Variants in SLC36A1 observed in about 807,000 individuals in gnomAD.
SLC36A1 encodes solute carrier family 36 member 1, also known as proton-coupled amino acid transporter 1.
SLC36A1 carries 30 observed loss-of-function variants against 47.5 expected under a neutral mutation model. That is an observed-to-expected ratio of 0.63 (90% CI 0.47 to 0.86). The LOEUF (loss-of-function observed/expected upper bound fraction) is 0.86. SLC36A1 is among the 40% of genes least tolerant of loss of function. The probability of loss-of-function intolerance (pLI) is 0.00; values close to 1 mark genes in which losing one functional copy is unlikely to be tolerated. For missense variants in SLC36A1, 517 were observed against 606.0 expected (o/e 0.85, Z 1.54); for synonymous variants, 255 against 249.7 (o/e 1.02, Z -0.20).
the SLC36A1 span, among the ~76,000 whole-genome samples, chr5:151,362,659 G>T: frequency 7.2e-5 from 11 of 152,264 alleles, no homozygotes; most frequent in African/African-American, 2.2e-4. Context: ...CCAAAGTGCT[G>T]GGATTATAGG....
intron 2 of SLC36A1, among the ~76,000 whole-genome samples, chr5:151,461,778 CT>C (rs1364105822): frequency 5.9e-5 from 9 of 152,154 alleles, no homozygotes; most frequent in African/African-American, 2.2e-4. Flanking sequence ...TTAATAATGT[CT>C]TTGATGAAAC....
rs1199738809 is a variant in SLC36A1, at chr5:151,467,916, C to G, written c.714C>G (p.Phe238Leu). The G allele has an allele frequency of 1.1e-5, 17 of 1,613,268 alleles. No homozygotes were observed. Among genetic ancestry groups the G allele is most frequent in the Non-Finnish European group, 1.4e-5 (17 of 1,179,670 alleles). ...TCAGCTTGGTCATGATCTACCAGTT[C>G]ATTGTTCAGGTACATGCCTAGGCCC... Reference protein sequence around the residue: ...MLVSLVMIYQFIVQRIPDPSH... With the variant: ...MLVSLVMIYQLIVQRIPDPSH... Residue 238 changes from phenylalanine (F) to leucine (L), a missense_variant, in exon 7 of 11, where the codon TTC (phenylalanine) becomes TTG (leucine). Transcript: ENST00000243389.
At chr5:151,453,990 T>G (rs904480026) in intron 1 of SLC36A1, among the ~76,000 whole-genome samples, 1 of 152,012 alleles carries the variant, frequency 6.6e-6, no homozygotes, top group Admixed American at 6.5e-5. Flanking sequence ...TGGCATATTT[T>G]GTAGATTGAA....
At chr5:151,500,452 C>G in the SLC36A1 span, among the ~76,000 whole-genome samples, 1 of 152,190 alleles carries the variant, frequency 6.6e-6, no homozygotes, top group East Asian at 1.9e-4. Context: ...ACTGCAAACT[C>G]CGTCTCCTGG....
chr5:151,374,639 A>G, the SLC36A1 span, among the ~76,000 whole-genome samples: 1 of 152,082 alleles, frequency 6.6e-6, no homozygotes, highest in African/African-American at 2.4e-5. Flanking sequence ...TTTTTGAGAA[A>G]TCTCCATACT....
chr5:151,479,414 T>C lies in SLC36A1; in HGVS notation c.1084T>C (p.Phe362Leu). The C allele has an allele frequency of 6.2e-7, 1 of 1,614,212 alleles. No homozygotes were observed. The change falls in exon 10 of 11, where the codon TTT becomes CTT. Residue 362 changes from phenylalanine (F) to leucine (L), a missense_variant. Transcript: ENST00000243389. ...YVPAEIIIPF[F>L]VSRAPEHCEL... ...CCCGGCTGAGATCATCATCCCCTTC[T>C]TTGTGTCCCGAGCGCCCGAGCACTG... is the stretch of plus-strand genomic sequence containing the variant.
rs35204299 is a variant in SLC36A1, at chr5:151,467,200, C to A, written c.421C>A (p.Arg141Ser). 55 of 1,607,676 alleles carry A rather than the reference C, an allele frequency of 3.4e-5. No homozygotes were observed. Among genetic ancestry groups the A allele is most frequent in the African/African-American group, 1.2e-4 (9 of 74,458 alleles). ...WLRNHAHWGR[R>S]VVDFFLIVTQ... is the part of the protein sequence containing the mutation. ...TATTCCTTCCTTCCCCACCTCCAGA[C>A]GTGTTGTGGACTTCTTCCTGATTGT... Residue 141 changes from arginine to serine, a missense_variant and splice_region_variant, in exon 6 of 11, where the codon CGT becomes AGT. Coordinates refer to ENST00000243389, the MANE Select transcript of SLC36A1 (RefSeq NM_078483.4).
At chr5:151,513,572 A>G in the SLC36A1 span, among the ~76,000 whole-genome samples, 1 of 151,956 alleles carries the variant, frequency 6.6e-6, no homozygotes, top group Non-Finnish European at 1.5e-5. Context: ...AGAAGGGAAC[A>G]ATAGACATCA....
chr5:151,455,152 C>T (rs1410418318), intron 1 of SLC36A1, among the ~76,000 whole-genome samples: 2 of 152,084 alleles, frequency 1.3e-5, no homozygotes, highest in Non-Finnish European at 2.9e-5. Flanking sequence ...GAGCAGATGT[C>T]CACTTACTGG....
the SLC36A1 span, among the ~76,000 whole-genome samples, chr5:151,367,097 C>G: frequency 6.6e-6 from 1 of 151,196 alleles, no homozygotes; most frequent in Non-Finnish European, 1.5e-5. Context: ...ACAAAGATCA[C>G]AGGGCAAAGG....
At chr5:151,484,459 G>A (rs1759250851) in intron 10 of SLC36A1, among the ~76,000 whole-genome samples, 2 of 152,328 alleles carry the variant, frequency 1.3e-5, no homozygotes, top group South Asian at 4.1e-4. Context: ...CCTCAGGCAG[G>A]ACGTGGTGCT....
At chr5:151,502,309 C>CAAA in the SLC36A1 span, among the ~76,000 whole-genome samples, 8 of 127,062 alleles carry the variant, frequency 6.3e-5, 1 homozygote, top group African/African-American at 2.6e-4. Context: ...GAGACTCTGT[C>CAAA]AAAAAAAAAA....
the SLC36A1 span, among the ~76,000 whole-genome samples, chr5:151,346,578 C>T: frequency 6.6e-6 from 1 of 152,190 alleles, no homozygotes; most frequent in Non-Finnish European, 1.5e-5. Flanking sequence ...CAAAAACTTT[C>T]TTCTTAAAGC....
At chr5:151,344,870 C>G in the SLC36A1 span, among the ~76,000 whole-genome samples, 1 of 152,004 alleles carries the variant, frequency 6.6e-6, no homozygotes, top group Non-Finnish European at 1.5e-5. Context: ...CAGGCAGAAA[C>G]AAAAAATCAT....
At chr5:151,406,565 A>C in the SLC36A1 span, 3 of 152,070 alleles carry the variant, frequency 2.0e-5, no homozygotes, top group Non-Finnish European at 4.4e-5. Context: ...GATTTCTTGA[A>C]AGAGAAACAC....
chr5:151,430,467 T>C, the SLC36A1 span, among the ~76,000 whole-genome samples: 1 of 151,730 alleles, frequency 6.6e-6, no homozygotes, highest in African/African-American at 2.4e-5. Flanking sequence ...GGATTACAGG[T>C]GCCCGCCACC....
the SLC36A1 span, among the ~76,000 whole-genome samples, chr5:151,386,267 T>C: frequency 6.6e-6 from 1 of 152,146 alleles, no homozygotes; most frequent in South Asian, 2.1e-4. Context: ...TGTCTATAAA[T>C]GGCAAGTGTG....
rs1030286781 is a variant in SLC36A1 at position 151,492,170 on chromosome 5, T to C, written c.*3916T>C. The C allele has an allele frequency of 6.6e-6, 1 of 152,128 alleles. No individual in the cohort carries two copies. Among genetic ancestry groups the C allele is most frequent in the African/African-American group, 2.4e-5 (1 of 41,420 alleles). 9.4% of individuals were successfully genotyped at this position (152,128 alleles called of 1,614,324 possible). A position where few individuals can be genotyped will look rare whatever the true frequency, so the allele number is the denominator to read the frequency against. ...GTAACTCTATTGTAAAACATGTCAATGGTGTGTGAAGAAAAATCAACCAAT... is the reference window on the plus strand; with the variant it reads ...GTAACTCTATTGTAAAACATGTCAACGGTGTGTGAAGAAAAATCAACCAAT... On this transcript the variant is annotated 3_prime_UTR_variant, in exon 11 of 11. Coordinates refer to ENST00000243389, the MANE Select transcript of SLC36A1 (RefSeq NM_078483.4).
chr5:151,371,709 A>T, the SLC36A1 span, among the ~76,000 whole-genome samples: 3 of 152,198 alleles, frequency 2.0e-5, no homozygotes, highest in Non-Finnish European at 4.4e-5. Context: ...GATTTTTTTT[A>T]AAAACACTCT....
Sources: gnomAD v4.1 joint callset for allele counts (sites outside exome capture counted in the v4.1 genomes callset) on GRCh38, gnomAD v4.1.1 for gene constraint, MANE v1.5 for transcripts, NCBI Gene and HGNC (gene_info 2026-07-23, HGNC 2026-07-21) for gene names.